Variants in MLLT10 observed in about 807,000 individuals in gnomAD.
The protein encoded by MLLT10 is MLLT10 histone lysine methyltransferase DOT1L cofactor.
In MLLT10, 30 loss-of-function variants were observed where a neutral mutation model predicts 129.1. That is an observed-to-expected ratio of 0.23 (90% CI 0.17 to 0.32). The LOEUF is 0.32. MLLT10 is among the 10% of genes least tolerant of loss of function. MLLT10 has a pLI of 1.00. For synonymous variants in MLLT10, 490 were observed against 446.4 expected (o/e 1.10, Z -1.23); for missense variants, 1,119 against 1,268.3 (o/e 0.88, Z 1.79).
chr10:21,735,770 G>C (rs2058316559), intron 21 of MLLT10, among the ~76,000 whole-genome samples: 1 of 152,168 alleles, frequency 6.6e-6, no homozygotes, highest in Non-Finnish European at 1.5e-5. Context: ...GGACGTACTT[G>C]TGTTCGGAAG....
At chr10:21,698,337 T>C (rs982648898) in intron 13 of MLLT10, among the ~76,000 whole-genome samples, 4 of 152,214 alleles carry the variant, frequency 2.6e-5, no homozygotes, top group Admixed American at 6.5e-5. Flanking sequence ...TTTCTGTGCC[T>C]GGCTTATTTC....
At chr10:21,652,906 T>G (rs2049190069) in intron 9 of MLLT10, among the ~76,000 whole-genome samples, 1 of 152,144 alleles carries the variant, frequency 6.6e-6, no homozygotes, top group Non-Finnish European at 1.5e-5. Flanking sequence ...CCACCTGACT[T>G]TCTTACAGAT....
chr10:21,613,842 G>T (rs1179826129), intron 6 of MLLT10, among the ~76,000 whole-genome samples: 10 of 151,962 alleles, frequency 6.6e-5, no homozygotes, highest in Admixed American at 6.6e-4. Context: ...GAAGGCCGAG[G>T]TTGCAGTGAG....
chr10:21,562,544 G>T (rs989425231), intron 3 of MLLT10, among the ~76,000 whole-genome samples: 1 of 151,680 alleles, frequency 6.6e-6, no homozygotes, highest in South Asian at 2.1e-4. Flanking sequence ...TACCATGTTG[G>T]CGAGGCTGGT....
In MLLT10 at chr10:21,713,758, T is replaced by C. The variant is rs748359003; in HGVS notation, c.1700-14T>C. ...CTGCTAAGTTATATTTAAATAACAT[T>C]TGTTTTTTTGCAGGTATTTATAACA... On this transcript the variant is annotated splice_polypyrimidine_tract_variant and intron_variant, in intron 13 of 22. Coordinates refer to ENST00000307729, the MANE Select transcript of MLLT10 (RefSeq NM_001195626.3). 8 of 1,600,304 alleles carry C rather than the reference T, an allele frequency of 5.0e-6. No individual in the cohort carries two copies. The highest frequency in any genetic ancestry group is 6.8e-6 in the Non-Finnish European group (8 of 1,172,202).
chr10:21,605,452 A>G (rs764918803), intron 5 of MLLT10, among the ~76,000 whole-genome samples: 2 of 151,816 alleles, frequency 1.3e-5, no homozygotes, highest in African/African-American at 2.4e-5. Flanking sequence ...ATTTTATTTT[A>G]TATATTTTTT....
At chr10:21,644,928 GC>G (rs1256919876) in intron 8 of MLLT10, among the ~76,000 whole-genome samples, 1 of 152,060 alleles carries the variant, frequency 6.6e-6, no homozygotes, top group Non-Finnish European at 1.5e-5. Flanking sequence ...ACTGCACCGG[GC>G]CCCCTAGGAT....
chr10:21,635,440 G>A (rs2047366437), intron 8 of MLLT10, among the ~76,000 whole-genome samples: 1 of 152,000 alleles, frequency 6.6e-6, no homozygotes, highest in Admixed American at 6.6e-5. Flanking sequence ...GCATGATGTT[G>A]GCTCGCTGCA....
intron 3 of MLLT10, among the ~76,000 whole-genome samples, chr10:21,554,967 G>A (rs548498151): frequency 3.9e-4 from 59 of 151,198 alleles, no homozygotes; most frequent in Non-Finnish European, 7.7e-4. Context: ...GATGACAGGC[G>A]CACGCCACCA....
At chr10:21,535,121 T>TTGGGGC (rs2033664005) in intron 2 of MLLT10, among the ~76,000 whole-genome samples, 2 of 85,276 alleles carry the variant, frequency 2.3e-5, no homozygotes, top group Non-Finnish European at 5.1e-5. Context: ...TGGGCCGGGG[T>TTGGGGC]GGGGGCGGGG....
chr10:21,594,553 CAAAAAAAA>C (rs34844830), intron 4 of MLLT10, among the ~76,000 whole-genome samples: 1 of 57,564 alleles, frequency 1.7e-5, no homozygotes, highest in African/African-American at 7.6e-5. Context: ...AACTCTGTCT[CAAAAAAAA>C]AAAAAAAAAA....
chr10:21,534,901 C>A, intron 2 of MLLT10, 97 bp downstream of exon 2: 1 of 894,538 alleles, frequency 1.1e-6, no homozygotes, highest in Non-Finnish European at 1.3e-6. Flanking sequence ...CCGCCCCGTG[C>A]CGCGGCCGCG....
intron 9 of MLLT10, among the ~76,000 whole-genome samples, chr10:21,667,377 T>C (rs1256256754): frequency 6.6e-6 from 1 of 151,434 alleles, no homozygotes; most frequent in Non-Finnish European, 1.5e-5. Flanking sequence ...GTTTTTTTTT[T>C]TTCATCAATT....
At chr10:21,540,281 T>C (rs1460713700) in intron 3 of MLLT10, among the ~76,000 whole-genome samples, 1 of 151,924 alleles carries the variant, frequency 6.6e-6, no homozygotes, top group Non-Finnish European at 1.5e-5. Flanking sequence ...GTCTAGCTAC[T>C]CTGGGGGCTA....
intron 4 of MLLT10, among the ~76,000 whole-genome samples, chr10:21,594,719 C>G (rs1432876694): frequency 6.8e-6 from 1 of 147,902 alleles, no homozygotes; most frequent in Non-Finnish European, 1.5e-5. Flanking sequence ...TCTTTAATAC[C>G]TTCAGTCGGG....
intron 5 of MLLT10, among the ~76,000 whole-genome samples, chr10:21,608,543 A>G (rs2044287671): frequency 6.6e-6 from 1 of 151,926 alleles, no homozygotes; most frequent in Admixed American, 6.6e-5. Context: ...AGATTTTTGT[A>G]TGTATAATTT....
In MLLT10 at chr10:21,655,189, CAG is replaced by C. The variant is rs1343258569; in HGVS notation, c.795+3427_795+3428del. The stretch of plus-strand genomic sequence containing the variant: ...CATTGGAAGAGAGGCTGTCAAGGAA[CAG>C]AGAGACTGGAGGTTATAAAAGATTG... On this transcript the variant is annotated intron_variant, in intron 9 of 22. Coordinates refer to ENST00000307729, the MANE Select transcript of MLLT10 (RefSeq NM_001195626.3). Among the ~76,000 whole-genome samples, 4 of 152,150 alleles carry C rather than the reference CAG, an allele frequency of 2.6e-5. No individual in the cohort carries two copies. The South Asian group carries it at 6.2e-4, about 24-fold the overall frequency.
chr10:21,612,255 T>G (rs1463956515), intron 5 of MLLT10, 93 bp from the exon 6 acceptor site: 1 of 681,606 alleles, frequency 1.5e-6, no homozygotes, highest in Non-Finnish European at 2.5e-6. Flanking sequence ...GGTTACTTAG[T>G]ATACCTGATC....
At chr10:21,634,666 C>T (rs923501013) in intron 8 of MLLT10, among the ~76,000 whole-genome samples, 1 of 152,182 alleles carries the variant, frequency 6.6e-6, no homozygotes, top group Non-Finnish European at 1.5e-5. Context: ...TCTATCAATG[C>T]TTCCATATTT....
Sources: gnomAD v4.1 joint callset for allele counts (sites outside exome capture counted in the v4.1 genomes callset) on GRCh38, gnomAD v4.1.1 for gene constraint, MANE v1.5 for transcripts, NCBI Gene and HGNC (gene_info 2026-07-23, HGNC 2026-07-21) for gene names.